ANK3: variants seen among roughly 807,000 people sequenced by gnomAD.
ANK3 encodes ankyrin 3.
ANK3 carries 57 observed loss-of-function variants against 370.9 expected under a neutral mutation model. That is an observed-to-expected ratio of 0.15 (90% CI 0.12 to 0.19). The LOEUF (loss-of-function observed/expected upper bound fraction) is 0.19. Among genes scored for constraint, ANK3 ranks in the 10% least tolerant of loss-of-function variants. The pLI is 1.00. For missense variants in ANK3, 4,439 were observed against 5,302.1 expected (o/e 0.84, Z 5.06); for synonymous variants, 1,929 against 1,946.3 (o/e 0.99, Z 0.23).
intron 1 of ANK3, among the ~76,000 whole-genome samples, chr10:60,312,141 A>G (rs1296920619): frequency 1.3e-5 from 2 of 152,198 alleles, no homozygotes; most frequent in African/African-American, 2.4e-5. Flanking sequence ...AAGAAAGATA[A>G]ACATATCCTA....
rs2072653970 is a variant in ANK3 at position 60,028,854 on chromosome 10, G to T, written c.*992C>A. 2 of 150,318 alleles carry T rather than the reference G, an allele frequency of 1.3e-5. No individual in the cohort carries two copies. The highest frequency in any genetic ancestry group is 2.1e-4 in the South Asian group (1 of 4,744). The allele number at this position is 150,318 out of a possible 1,614,324, so 9.3% of individuals were successfully genotyped here. A position where few individuals can be genotyped will look rare whatever the true frequency, so the allele number is the denominator to read the frequency against. On this transcript the variant is annotated 3_prime_UTR_variant, in exon 44 of 44. Coordinates refer to ENST00000280772, the MANE Select transcript of ANK3 (RefSeq NM_020987.5). ...CACCCCCTAAAGCAACTACCGTATA[G>T]GTTATTTTTTTTTGTTGTTTTTAGG...
chr10:60,302,499 A>G (rs540981502), intron 1 of ANK3, among the ~76,000 whole-genome samples: 3 of 152,302 alleles, frequency 2.0e-5, no homozygotes, highest in African/African-American at 7.2e-5. Flanking sequence ...CTTTACATAC[A>G]TTATTTTAGT....
At chr10:60,321,423 A>C (rs1002374811) in intron 1 of ANK3, among the ~76,000 whole-genome samples, 3 of 140,806 alleles carry the variant, frequency 2.1e-5, no homozygotes, top group Non-Finnish European at 4.6e-5. Context: ...AAAAGAAAAG[A>C]AAAGAAAAGA....
At chr10:60,100,164 G>A (rs973593277) in intron 28 of ANK3, among the ~76,000 whole-genome samples, 22 of 146,578 alleles carry the variant, frequency 1.5e-4, no homozygotes, top group Non-Finnish European at 2.7e-4. Context: ...TTTCCAACAC[G>A]ATGGACATCA....
At chr10:60,150,301 G>C (rs958294063) in intron 23 of ANK3, among the ~76,000 whole-genome samples, 1 of 152,008 alleles carries the variant, frequency 6.6e-6, no homozygotes, top group Non-Finnish European at 1.5e-5. Context: ...CTGACACTTT[G>C]ACCAACAAGT....
chr10:60,172,296 T>C lies in ANK3; in HGVS notation c.2478+12A>G. On this transcript the variant is annotated intron_variant, in intron 21 of 43. Coordinates refer to ENST00000280772, the MANE Select transcript of ANK3 (RefSeq NM_020987.5). ...GCTCCTAGGGTAACAAGGTTCTGCA[T>C]TCCTTACTTACAGTTGTGGTCATGG... 1 of 1,608,838 alleles carries C rather than the reference T, an allele frequency of 6.2e-7. No individual in the cohort carries two copies. The highest frequency in any genetic ancestry group is 8.5e-7 in the Non-Finnish European group (1 of 1,175,462).
chr10:60,601,196 CAT>C (rs1024589791), intron 2 of ANK3, among the ~76,000 whole-genome samples: 2 of 151,446 alleles, frequency 1.3e-5, no homozygotes, highest in Admixed American at 6.6e-5. Context: ...CACACACACA[CAT>C]ACCCGCACAC....
chr10:60,081,398 A>AGGTAC, intron 35 of ANK3: 1 of 316,132 alleles, frequency 3.2e-6, no homozygotes, highest in South Asian at 2.7e-5. Context: ...GCCTGGCCAG[A>AGGTAC]GGTACTATTA....
intron 9 of ANK3, among the ~76,000 whole-genome samples, chr10:60,210,456 AT>A (rs1214629530): frequency 6.6e-6 from 1 of 152,088 alleles, no homozygotes; most frequent in African/African-American, 2.4e-5. Flanking sequence ...ACAAAGGCGT[AT>A]TCTAGGAAGT....
chr10:60,300,608 G>A (rs1302553746), intron 1 of ANK3: 18 of 1,095,994 alleles, frequency 1.6e-5, no homozygotes, highest in Non-Finnish European at 1.8e-5. Flanking sequence ...TACCATATTG[G>A]CTCTGTGGAT....
At chr10:60,190,749 G>C (rs930465189) in intron 16 of ANK3, among the ~76,000 whole-genome samples, 1 of 152,080 alleles carries the variant, frequency 6.6e-6, no homozygotes, top group African/African-American at 2.4e-5. Flanking sequence ...AAATTCATAC[G>C]GAACCAAAAG....
chr10:60,286,026 A>C (rs1405194498), intron 1 of ANK3, among the ~76,000 whole-genome samples: 1 of 152,140 alleles, frequency 6.6e-6, no homozygotes, highest in Non-Finnish European at 1.5e-5. Flanking sequence ...TCATTTTTTA[A>C]AAAAAGTATT....
At chr10:60,213,970 A>G (rs1000842912) in intron 8 of ANK3, among the ~76,000 whole-genome samples, 5 of 152,136 alleles carry the variant, frequency 3.3e-5, no homozygotes, top group Non-Finnish European at 7.4e-5. Context: ...TTTCTCTGCC[A>G]TGAAATTATA....
At chr10:60,254,134 G>C (rs1481309649) in intron 7 of ANK3, among the ~76,000 whole-genome samples, 1 of 151,782 alleles carries the variant, frequency 6.6e-6, no homozygotes, top group African/African-American at 2.4e-5. Context: ...ATGATCTCTA[G>C]ATTTATAATG....
chr10:60,046,277 C>CA (rs962146099), intron 42 of ANK3, among the ~76,000 whole-genome samples: 1 of 151,648 alleles, frequency 6.6e-6, no homozygotes, highest in African/African-American at 2.4e-5. Context: ...ATAAGGACAG[C>CA]AAAAAAAGCC....
chr10:60,157,682 A>G (rs2132268639), intron 23 of ANK3, among the ~76,000 whole-genome samples: 1 of 152,088 alleles, frequency 6.6e-6, no homozygotes, highest in South Asian at 2.1e-4. Context: ...AAAATGCATC[A>G]GTTTCTCAAT....
chr10:60,127,874 G>T lies in ANK3; in HGVS notation c.2841+6397C>A, dbSNP rs12257650. On this transcript the variant is annotated intron_variant, in intron 25 of 43. Transcript: ENST00000280772. ...CACCATGCCCGGCTAATTTTTTGTAGTTTTAGTACAGACGGGGTTTCACCG... is the reference window on the plus strand; with the variant it reads ...CACCATGCCCGGCTAATTTTTTGTATTTTTAGTACAGACGGGGTTTCACCG... 2.1e-4 allele frequency among the ~76,000 whole-genome samples: 32 copies of T among 151,682 alleles called. 1 individual carries two copies. The highest frequency in any genetic ancestry group is 1.1e-3 in the Admixed American group (17 of 15,202).
intron 2 of ANK3, among the ~76,000 whole-genome samples, chr10:60,554,917 T>C (rs1595268704): frequency 6.6e-6 from 1 of 152,074 alleles, no homozygotes; most frequent in African/African-American, 2.4e-5. Context: ...TAGGGAAAAA[T>C]GTATTTGGAA....
chr10:60,405,943 G>A (rs2063446955), intron 2 of ANK3, among the ~76,000 whole-genome samples: 1 of 152,040 alleles, frequency 6.6e-6, no homozygotes, highest in Non-Finnish European at 1.5e-5. Context: ...AATACTACAT[G>A]GTAGACCCTT....
Sources: allele counts gnomAD v4.1 joint callset (sites outside exome capture counted in the v4.1 genomes callset), GRCh38; gene constraint gnomAD v4.1.1; transcripts MANE v1.5; gene names NCBI Gene and HGNC (gene_info 2026-07-23, HGNC 2026-07-21).